The following AGTPBP1 variants were observed in gnomAD, a reference collection of about 807,000 sequenced individuals.
AGTPBP1 encodes ATP/GTP binding carboxypeptidase 1.
AGTPBP1 carries 70 observed loss-of-function variants against 143.9 expected under a neutral mutation model. That is an observed-to-expected ratio of 0.49 (90% CI 0.40 to 0.59). The LOEUF is 0.59. Ranked by LOEUF, AGTPBP1 falls within the 20% of genes least tolerant of loss-of-function variation. The pLI is 0.00. For synonymous variants in AGTPBP1, 463 were observed against 500.2 expected (o/e 0.93, Z 0.99); for missense variants, 1,229 against 1,464.5 (o/e 0.84, Z 2.62).
chr9:85,789,290 G>GA, the AGTPBP1 span, among the ~76,000 whole-genome samples: 2 of 151,912 alleles, frequency 1.3e-5, no homozygotes, highest in Non-Finnish European at 2.9e-5. Context: ...ACAAAGGAAA[G>GA]AAAAAAATTA....
chr9:85,691,082 A>G (rs933449837), intron 3 of AGTPBP1, among the ~76,000 whole-genome samples: 3 of 152,126 alleles, frequency 2.0e-5, no homozygotes, highest in African/African-American at 7.2e-5. Context: ...TCATATGACA[A>G]TGCAGTGAAT....
At chr9:85,632,388 T>C (rs1831736240) in intron 14 of AGTPBP1, among the ~76,000 whole-genome samples, 1 of 152,236 alleles carries the variant, frequency 6.6e-6, no homozygotes, top group African/African-American at 2.4e-5. Context: ...TGTTTTTGTA[T>C]TTTGAGATTC....
chr9:85,760,418 A>C, the AGTPBP1 span, among the ~76,000 whole-genome samples: 2 of 152,338 alleles, frequency 1.3e-5, no homozygotes, highest in Non-Finnish European at 2.9e-5. Context: ...AAGCTTATCC[A>C]CCATGATCAT....
intron 25 of AGTPBP1, among the ~76,000 whole-genome samples, chr9:85,567,111 C>CG (rs1156791922): frequency 2.0e-5 from 3 of 152,094 alleles, no homozygotes; most frequent in African/African-American, 7.2e-5. Context: ...TAAGAGGTTA[C>CG]GGGGAGAGGC....
At chr9:85,718,576 G>A (rs1246851915) in intron 1 of AGTPBP1, among the ~76,000 whole-genome samples, 2 of 152,162 alleles carry the variant, frequency 1.3e-5, no homozygotes, top group Non-Finnish European at 2.9e-5. Flanking sequence ...TTAGCCCTTT[G>A]TCAGATAGGT....
At chr9:85,567,717 A>G (rs1827201282) in intron 25 of AGTPBP1, among the ~76,000 whole-genome samples, 1 of 152,240 alleles carries the variant, frequency 6.6e-6, no homozygotes, top group African/African-American at 2.4e-5. Flanking sequence ...TTGGTGAATT[A>G]TAAAATGCTA....
At chr9:85,753,420 G>A in the AGTPBP1 span, 1 of 1,613,682 alleles carries the variant, frequency 6.2e-7, no homozygotes, top group Non-Finnish European at 8.5e-7. Flanking sequence ...CCATCTCCAG[G>A]TTTGTCAATT....
Position 85,646,388 on chromosome 9 carries a change from T to A in AGTPBP1, c.1118A>T (p.Asn373Ile), listed in dbSNP as rs756760270. ...VDDVVDESDD[N>I]DDIDVEAENE... ...TTCAGCTTCTACATCAATATCATCG[T>A]TGTCATCACTTTCATCTACTACGTC... The change falls in exon 12 of 26, where the codon AAC becomes ATC. Residue 373 changes from asparagine to isoleucine, a missense_variant. Physicochemically the swap from Asn to Ile is moderately radical, Grantham distance 149 (BLOSUM62 -3). Coordinates refer to ENST00000357081, the MANE Select transcript of AGTPBP1 (RefSeq NM_001330701.2). The A allele has an allele frequency of 1.2e-6, 2 of 1,613,018 alleles. No individual in the cohort carries two copies. The highest frequency in any genetic ancestry group is 2.7e-5 in the African/African-American group (2 of 74,916).
the AGTPBP1 span, among the ~76,000 whole-genome samples, chr9:85,797,859 A>C: frequency 3.3e-4 from 51 of 152,258 alleles, no homozygotes; most frequent in East Asian, 9.5e-3. Context: ...GCTTTGTCGG[A>C]GTTCTGGTTT....
Position 85,672,506 on chromosome 9 carries a change from A to G in AGTPBP1, c.568+44T>C, listed in dbSNP as rs186525603. 62 of 1,574,724 alleles carry G rather than the reference A, an allele frequency of 3.9e-5. No individual in the cohort carries two copies. In the East Asian group the frequency reaches 6.7e-4, roughly 17 times the overall value. ...GGATACTTTAAAATTCTTTTTGTGT[A>G]ACTTTACAACACTGAGTTAACTAAA... On this transcript the variant is annotated intron_variant, in intron 7 of 25. Transcript: ENST00000357081.
chr9:85,579,763 T>C (rs763222757), intron 23 of AGTPBP1, among the ~76,000 whole-genome samples: 81 of 150,996 alleles, frequency 5.4e-4, no homozygotes, highest in Non-Finnish European at 9.7e-4. Flanking sequence ...AAACTTATTA[T>C]CATTATTATT....
intron 25 of AGTPBP1, among the ~76,000 whole-genome samples, chr9:85,574,900 G>T (rs536595953): frequency 6.6e-6 from 1 of 151,986 alleles, no homozygotes; most frequent in African/African-American, 2.4e-5. Context: ...GGAGAGATGG[G>T]GTTTCACCAT....
chr9:85,784,863 T>G, the AGTPBP1 span, among the ~76,000 whole-genome samples: 2 of 152,212 alleles, frequency 1.3e-5, no homozygotes, highest in African/African-American at 4.8e-5. Flanking sequence ...ATTCAGAAAC[T>G]GTTAACTCTT....
At chr9:85,620,840 A>G (rs1830888495) in intron 15 of AGTPBP1, among the ~76,000 whole-genome samples, 5 of 152,228 alleles carry the variant, frequency 3.3e-5, no homozygotes, top group Admixed American at 3.3e-4. Flanking sequence ...ATGAAGGCTC[A>G]GTATTGCAAG....
At chr9:85,716,172 C>T (rs1202264828) in intron 1 of AGTPBP1, among the ~76,000 whole-genome samples, 1 of 152,198 alleles carries the variant, frequency 6.6e-6, no homozygotes, top group Non-Finnish European at 1.5e-5. Flanking sequence ...TTACTAAATC[C>T]AATTGTCAAT....
chr9:85,775,878 CACT>C, the AGTPBP1 span, among the ~76,000 whole-genome samples: 1 of 152,076 alleles, frequency 6.6e-6, no homozygotes, highest in Non-Finnish European at 1.5e-5. Context: ...TTCCCCAGCC[CACT>C]GACTCAAATG....
At chr9:85,568,198 G>A (rs1156417210) in intron 25 of AGTPBP1, among the ~76,000 whole-genome samples, 1 of 152,294 alleles carries the variant, frequency 6.6e-6, no homozygotes, top group South Asian at 2.1e-4. Flanking sequence ...AAACTGAAAT[G>A]AAGTGTTCAG....
At chr9:85,789,348 G>C in the AGTPBP1 span, among the ~76,000 whole-genome samples, 2 of 152,032 alleles carry the variant, frequency 1.3e-5, no homozygotes. Flanking sequence ...TATACTAAAT[G>C]ATTTTACTTT....
chr9:85,678,464 T>G lies in AGTPBP1; in HGVS notation c.226-66A>C. On this transcript the variant is annotated intron_variant, in intron 4 of 25. Transcript: ENST00000357081. ...TTGATTCCCAGACTTTTGAATCCAC[T>G]GGGAACTACCTATATTTTACAAATG... 2.9e-6 allele frequency: 3 copies of G among 1,026,058 alleles called. No individual in the cohort carries two copies. The East Asian group carries it at 8.1e-5, about 28-fold the overall frequency. 63.6% of individuals were successfully genotyped at this position (1,026,058 alleles called of 1,614,324 possible). A position where few individuals can be genotyped will look rare whatever the true frequency, so the allele number is the denominator to read the frequency against.
Sources: allele counts gnomAD v4.1 joint callset (sites outside exome capture counted in the v4.1 genomes callset), GRCh38; gene constraint gnomAD v4.1.1; transcripts MANE v1.5; gene names NCBI Gene and HGNC (gene_info 2026-07-23, HGNC 2026-07-21).